PSEN1: variants seen among roughly 807,000 people sequenced by gnomAD.
PSEN1 encodes the protein presenilin-1.
A neutral mutation model predicts 53.5 loss-of-function variants in PSEN1; 15 were observed. The ratio of observed to expected loss-of-function variants is 0.28; its 90% CI spans 0.19 to 0.43. The LOEUF is 0.43. Among genes scored for constraint, PSEN1 ranks in the 20% least tolerant of loss-of-function variants. PSEN1 has a pLI of 1.00. For synonymous variants in PSEN1, 208 were observed against 209.8 expected (o/e 0.99, Z 0.08); for missense variants, 387 against 571.2 (o/e 0.68, Z 3.29).
intron 7 of PSEN1, among the ~76,000 whole-genome samples, chr14:73,194,487 C>T (rs1347523732): frequency 6.6e-6 from 1 of 151,878 alleles, no homozygotes; most frequent in East Asian, 1.9e-4. Flanking sequence ...TCCGGAACTC[C>T]TGGCCTCAAG....
chr14:73,174,770 C>T (rs1897996776), intron 5 of PSEN1, among the ~76,000 whole-genome samples: 1 of 152,174 alleles, frequency 6.6e-6, no homozygotes, highest in South Asian at 2.1e-4. Context: ...ACCATGCATC[C>T]TCTCACCATC....
At chr14:73,182,879 G>A (rs552975700) in intron 5 of PSEN1, among the ~76,000 whole-genome samples, 2 of 152,088 alleles carry the variant, frequency 1.3e-5, no homozygotes, top group African/African-American at 2.4e-5. Flanking sequence ...AAATAAATAA[G>A]AACATCTCCT....
At chr14:73,173,857 A>T (rs1897966572) in intron 5 of PSEN1, 150 bp downstream of exon 5, 2 of 961,704 alleles carry the variant, frequency 2.1e-6, no homozygotes, top group Admixed American at 3.7e-5. Flanking sequence ...CTCACTGTGG[A>T]ACATTCAAAA....
intron 8 of PSEN1, among the ~76,000 whole-genome samples, chr14:73,201,186 T>A (rs1174656715): frequency 1.3e-5 from 2 of 152,076 alleles, no homozygotes; most frequent in Non-Finnish European, 2.9e-5. Context: ...CCTCCTGGGT[T>A]CAGCCATTCT....
Position 73,143,121 on chromosome 14 carries a change from C to T in PSEN1, c.-135-4674C>T, listed in dbSNP as rs568181348. ...CTGCCTGAACAGTGGGGTCATTGAC[C>T]GCCATGCAATCCTCAATTGTTTTCA... On this transcript the variant is annotated intron_variant, in intron 1 of 11. Transcript: ENST00000324501. 3.2e-3 allele frequency among the ~76,000 whole-genome samples: 493 copies of T among 152,268 alleles called. 3 individuals carry two copies. In the Middle Eastern group the frequency reaches 0.034, roughly 11 times the overall value.
chr14:73,158,309 T>TA (rs750299814), intron 3 of PSEN1, among the ~76,000 whole-genome samples: 9 of 151,768 alleles, frequency 5.9e-5, no homozygotes, highest in Non-Finnish European at 1.3e-4. Flanking sequence ...TCTATCTATC[T>TA]ATCTATCTAT....
chr14:73,211,549 G>A (rs1899680213), intron 9 of PSEN1, among the ~76,000 whole-genome samples: 1 of 151,868 alleles, frequency 6.6e-6, no homozygotes, highest in South Asian at 2.1e-4. Context: ...GAGTCATGTG[G>A]GAGGGGGTGG....
intron 10 of PSEN1, among the ~76,000 whole-genome samples, chr14:73,214,340 A>G (rs1306496628): frequency 6.6e-6 from 1 of 152,076 alleles, no homozygotes; most frequent in African/African-American, 2.4e-5. Context: ...AGACCAGCCC[A>G]ACCAACATGG....
intron 1 of PSEN1, among the ~76,000 whole-genome samples, chr14:73,144,271 A>G (rs1897007949): frequency 6.6e-6 from 1 of 151,914 alleles, no homozygotes. Flanking sequence ...GGAACTCCTG[A>G]CCTTGTGATC....
chr14:73,195,106 C>T (rs1898887510), intron 7 of PSEN1, among the ~76,000 whole-genome samples: 1 of 152,152 alleles, frequency 6.6e-6, no homozygotes, highest in African/African-American at 2.4e-5. Context: ...TCTATTCTTG[C>T]TTAGCTGTGA....
chr14:73,205,722 C>T (rs1899428183), intron 8 of PSEN1, among the ~76,000 whole-genome samples: 1 of 151,992 alleles, frequency 6.6e-6, no homozygotes. Context: ...TTTTTCATTC[C>T]TGCCTGAAAT....
At chr14:73,157,762 T>A (rs1266072927) in intron 3 of PSEN1, among the ~76,000 whole-genome samples, 1 of 152,010 alleles carries the variant, frequency 6.6e-6, no homozygotes. Context: ...CCCAGCACTT[T>A]GGGAGGTCGA....
chr14:73,142,181 A>C (rs1039179268), intron 1 of PSEN1, among the ~76,000 whole-genome samples: 2 of 152,232 alleles, frequency 1.3e-5, no homozygotes, highest in Admixed American at 6.5e-5. Flanking sequence ...TAAAAACTCA[A>C]GTAGAGGCTT....
intron 5 of PSEN1, among the ~76,000 whole-genome samples, chr14:73,182,393 AG>A (rs778762943): frequency 1.3e-5 from 2 of 152,014 alleles, no homozygotes; most frequent in Non-Finnish European, 2.9e-5. Flanking sequence ...GGTACTAGGG[AG>A]GCTGAGGTGG....
At chr14:73,188,606 C>T (rs1033410767) in intron 6 of PSEN1, among the ~76,000 whole-genome samples, 1 of 152,116 alleles carries the variant, frequency 6.6e-6, no homozygotes, top group Non-Finnish European at 1.5e-5. Context: ...ATGATTGCAC[C>T]ACTGCACCCC....
intron 3 of PSEN1, among the ~76,000 whole-genome samples, chr14:73,160,556 C>T (rs1390250745): frequency 6.6e-6 from 1 of 152,162 alleles, no homozygotes; most frequent in African/African-American, 2.4e-5. Context: ...AACTTTACCA[C>T]CGCTTGTTAC....
chr14:73,171,801 GA>G (rs1219405483), intron 4 of PSEN1, among the ~76,000 whole-genome samples: 8 of 152,178 alleles, frequency 5.3e-5, no homozygotes, highest in African/African-American at 1.9e-4. Context: ...AGAAGGCAAA[GA>G]ATTGAACATA....
chr14:73,155,136 ATG>A (rs1038990737), intron 3 of PSEN1, among the ~76,000 whole-genome samples: 14 of 152,362 alleles, frequency 9.2e-5, no homozygotes, highest in African/African-American at 3.1e-4. Flanking sequence ...AACAGTGAGA[ATG>A]TGGCAGTAAT....
At chr14:73,176,401 T>G (rs1898048463) in intron 5 of PSEN1, among the ~76,000 whole-genome samples, 1 of 152,240 alleles carries the variant, frequency 6.6e-6, no homozygotes, top group Non-Finnish European at 1.5e-5. Context: ...GTTCTTCTGT[T>G]TATTTCTCAG....
Sources: allele counts gnomAD v4.1 joint callset (sites outside exome capture counted in the v4.1 genomes callset), GRCh38; gene constraint gnomAD v4.1.1; transcripts MANE v1.5; gene names NCBI Gene and HGNC (gene_info 2026-07-23, HGNC 2026-07-21).